RBL1: variants seen among roughly 807,000 people sequenced by gnomAD.
RBL1 encodes retinoblastoma-like protein 1.
RBL1 carries 82 observed loss-of-function variants against 123.0 expected under a neutral mutation model. The ratio of observed to expected loss-of-function variants is 0.67; its 90% CI spans 0.56 to 0.80. The LOEUF is 0.80. Ranked by LOEUF, RBL1 falls within the 30% of genes least tolerant of loss-of-function variation. The pLI is 0.00. For synonymous variants in RBL1, 405 were observed against 441.3 expected, an observed-to-expected ratio of 0.92 and a Z score of 1.03; for missense variants, 1,171 against 1,299.6, an observed-to-expected ratio of 0.90 and a Z score of 1.52.
At chr20:37,033,255 G>A (rs2064544588) in intron 15 of RBL1, among the ~76,000 whole-genome samples, 1 of 149,842 alleles carries the variant, frequency 6.7e-6, no homozygotes, top group South Asian at 2.1e-4. Flanking sequence ...GCGTGATCTC[G>A]GCTCACTGCA....
At chr20:37,062,619 C>A (rs1049311855) in intron 7 of RBL1, among the ~76,000 whole-genome samples, 1 of 131,580 alleles carries the variant, frequency 7.6e-6, no homozygotes, top group Non-Finnish European at 1.5e-5. Flanking sequence ...TGCACTCCAG[C>A]CTGGCAACAG....
chr20:37,022,449 C>T (rs907250175), intron 17 of RBL1, among the ~76,000 whole-genome samples: 2 of 152,172 alleles, frequency 1.3e-5, no homozygotes, highest in African/African-American at 2.4e-5. Flanking sequence ...ACCTCAGTCT[C>T]CCAAGTAGCT....
chr20:37,068,188 T>C lies in RBL1; in HGVS notation c.291-2A>G. 8.4e-7 allele frequency: 1 copy of C among 1,191,634 alleles called. No individual in the cohort carries two copies. 73.8% of individuals were successfully genotyped at this position (1,191,634 alleles called of 1,614,324 possible). On this transcript the variant is annotated splice_acceptor_variant, in intron 2 of 21. Coordinates refer to ENST00000373664, the MANE Select transcript of RBL1 (RefSeq NM_002895.5). LOFTEE classifies it high-confidence loss of function. ...ATTTTACTAAAAAATTGTATTAAAC[T>C]AAAAAAAAAAAGGAGGAGAAAAAAG...
intron 9 of RBL1, among the ~76,000 whole-genome samples, chr20:37,060,434 C>T (rs2065075932): frequency 1.3e-5 from 2 of 152,046 alleles, no homozygotes; most frequent in Admixed American, 6.6e-5. Context: ...CTTTAAGGTA[C>T]ACTTATCTCT....
chr20:37,001,202 C>T (rs1342059942), intron 21 of RBL1, among the ~76,000 whole-genome samples: 18 of 150,330 alleles, frequency 1.2e-4, no homozygotes, highest in African/African-American at 3.4e-4. Context: ...CCTGCCCGGC[C>T]GCCCCTACTG....
chr20:37,082,720 G>C (rs1047029213), intron 2 of RBL1, among the ~76,000 whole-genome samples: 1 of 152,200 alleles, frequency 6.6e-6, no homozygotes, highest in African/African-American at 2.4e-5. Context: ...GATGGGACCA[G>C]GTGTGGTGGC....
intron 19 of RBL1, among the ~76,000 whole-genome samples, chr20:37,015,823 T>A (rs1007776279): frequency 2.6e-5 from 4 of 151,778 alleles, no homozygotes; most frequent in Non-Finnish European, 5.9e-5. Flanking sequence ...CCGCCCAAGT[T>A]CAAGTGATTC....
intron 13 of RBL1, among the ~76,000 whole-genome samples, chr20:37,043,060 G>C (rs915323140): frequency 6.6e-6 from 1 of 152,018 alleles, no homozygotes; most frequent in African/African-American, 2.4e-5. Flanking sequence ...TGCAATTCTA[G>C]CACTTTGGGA....
At chr20:37,083,606 G>A (rs937286564) in intron 2 of RBL1, among the ~76,000 whole-genome samples, 15 of 94,282 alleles carry the variant, frequency 1.6e-4, no homozygotes, top group African/African-American at 5.4e-4. Flanking sequence ...CCAAAATAGC[G>A]AAACCCCGTC....
rs200995354 is a variant in RBL1, at chr20:37,095,776, T to A, written c.153A>T (p.Leu51=). ...CGCCCCACCTGCTGCCGCTCACCTC[T>A]AGGCTGTAGTTGCCTCGGATGGCAG... The part of the protein sequence containing the change: ...DFTAIRGNYS[L]EGEVTHWLAC... The change falls in exon 1 of 22, where the codon CTA becomes CTT. Residue 51 remains leucine (L), a synonymous_variant. Coordinates refer to ENST00000373664, the MANE Select transcript of RBL1 (RefSeq NM_002895.5). 6.2e-7 allele frequency: 1 copy of A among 1,607,402 alleles called. No homozygotes were observed. Among genetic ancestry groups the A allele is most frequent in the East Asian group, 2.2e-5 (1 of 44,766 alleles).
At chr20:37,062,035 C>G (rs200721491) in intron 8 of RBL1, 49 bp downstream of exon 8, 2 of 1,527,282 alleles carry the variant, frequency 1.3e-6, no homozygotes, top group East Asian at 4.7e-5. Context: ...GAATCACACA[C>G]AGAGAGAAAA....
intron 7 of RBL1, 39 bp from the exon 8 acceptor site, chr20:37,062,309 C>G (rs770362755): frequency 6.3e-7 from 1 of 1,588,232 alleles, no homozygotes; most frequent in Non-Finnish European, 8.6e-7. Context: ...TACTAAGTTA[C>G]ACAATGGATT....
At chr20:37,042,956 T>A (rs2064755815) in intron 13 of RBL1, among the ~76,000 whole-genome samples, 1 of 137,862 alleles carries the variant, frequency 7.3e-6, no homozygotes, top group South Asian at 2.4e-4. Flanking sequence ...CAAATATTTA[T>A]CAACCGATGA....
intron 21 of RBL1, among the ~76,000 whole-genome samples, chr20:36,999,883 G>C (rs1225704694): frequency 6.6e-6 from 1 of 152,186 alleles, no homozygotes; most frequent in Non-Finnish European, 1.5e-5. Context: ...CCCGCAAAGT[G>C]CCGAGATTGC....
At chr20:37,048,272 G>T (rs2064848509) in intron 11 of RBL1, among the ~76,000 whole-genome samples, 1 of 152,110 alleles carries the variant, frequency 6.6e-6, no homozygotes, top group South Asian at 2.1e-4. Context: ...AAAGTCTTAG[G>T]ATCCTCAGGT....
At chr20:37,067,559 A>G (rs1160658456) in intron 3 of RBL1, among the ~76,000 whole-genome samples, 1 of 152,016 alleles carries the variant, frequency 6.6e-6, no homozygotes, top group East Asian at 1.9e-4. Flanking sequence ...ACCTGAGGTT[A>G]GGAGTTCGAG....
chr20:37,009,428 TA>T (rs1156819748), intron 19 of RBL1, among the ~76,000 whole-genome samples: 1 of 134,830 alleles, frequency 7.4e-6, no homozygotes, highest in Non-Finnish European at 1.6e-5. Flanking sequence ...CAATTAAAAT[TA>T]TTTTTTTGTT....
chr20:37,034,535 T>C (rs1454381474), intron 15 of RBL1, among the ~76,000 whole-genome samples: 1 of 151,722 alleles, frequency 6.6e-6, no homozygotes, highest in Non-Finnish European at 1.5e-5. Flanking sequence ...ATAGAAAAAA[T>C]TAGCTGGGAG....
At chr20:37,001,999 G>T (rs928495733) in intron 21 of RBL1, among the ~76,000 whole-genome samples, 1 of 148,660 alleles carries the variant, frequency 6.7e-6, no homozygotes, top group South Asian at 2.1e-4. Flanking sequence ...AGTAGCTCTC[G>T]ATGTGTAGTA....
Sources: gnomAD v4.1 joint callset for allele counts (sites outside exome capture counted in the v4.1 genomes callset) on GRCh38, gnomAD v4.1.1 for gene constraint, MANE v1.5 for transcripts, NCBI Gene and HGNC (gene_info 2026-07-23, HGNC 2026-07-21) for gene names.